The following CENPP variants were observed in gnomAD, a reference collection of about 807,000 sequenced individuals.
CENPP encodes the protein centromere protein P.
Under a neutral mutation model 35.6 loss-of-function variants are expected in CENPP, and 24 were observed. The observed-to-expected ratio is 0.67, with a 90% confidence interval of 0.49 to 0.95. The LOEUF is 0.95. Among genes scored for constraint, CENPP ranks in the 40% least tolerant of loss-of-function variants. CENPP has a pLI of 0.00. For missense variants in CENPP, 332 were observed against 345.3 expected, an observed-to-expected ratio of 0.96 and a Z score of 0.31; for synonymous variants, 120 against 125.5, an observed-to-expected ratio of 0.96 and a Z score of 0.29.
chr9:92,338,427 G>A (rs188388057), intron 3 of CENPP, among the ~76,000 whole-genome samples: 49 of 152,140 alleles, frequency 3.2e-4, no homozygotes, highest in African/African-American at 1.1e-3. Context: ...CTATAAAATC[G>A]TGTAGTGTTT....
At chr9:92,468,837 A>C (rs2131066985) in intron 5 of CENPP, among the ~76,000 whole-genome samples, 1 of 152,330 alleles carries the variant, frequency 6.6e-6, no homozygotes, top group African/African-American at 2.4e-5. Flanking sequence ...TTCTCAAAGG[A>C]AATCAAGTAG....
At chr9:92,357,853 ATT>A (rs34111227) in intron 4 of CENPP, among the ~76,000 whole-genome samples, 4,529 of 149,574 alleles carry the variant, frequency 0.03, 105 homozygotes, top group South Asian at 0.084. Flanking sequence ...TGGTTGACAG[ATT>A]TTTTTTTTTC....
intron 5 of CENPP, among the ~76,000 whole-genome samples, chr9:92,409,339 G>A (rs1053712078): frequency 1.3e-5 from 2 of 152,148 alleles, no homozygotes; most frequent in African/African-American, 2.4e-5. Context: ...GGAAACCAGG[G>A]TTTTAGGTCT....
At chr9:92,541,085 C>G (rs1358355398) in intron 5 of CENPP, among the ~76,000 whole-genome samples, 4 of 151,810 alleles carry the variant, frequency 2.6e-5, no homozygotes, top group Admixed American at 2.6e-4. Flanking sequence ...CATGGTGAAA[C>G]CCCATCTCTA....
intron 4 of CENPP, among the ~76,000 whole-genome samples, chr9:92,352,755 T>C (rs1841497619): frequency 6.6e-6 from 1 of 151,512 alleles, no homozygotes; most frequent in South Asian, 2.1e-4. Context: ...GCCTGCTCTA[T>C]ATTCACTGGC....
chr9:92,445,045 G>A (rs1844516728), intron 5 of CENPP, among the ~76,000 whole-genome samples: 1 of 152,130 alleles, frequency 6.6e-6, no homozygotes, highest in African/African-American at 2.4e-5. Flanking sequence ...CTAGGGGGAT[G>A]GGCGTCCCTG....
At chr9:92,337,458 T>C (rs1840967120) in intron 2 of CENPP, 83 bp from the exon 3 acceptor site, 2 of 788,684 alleles carry the variant, frequency 2.5e-6, no homozygotes, top group East Asian at 4.9e-5. Context: ...ACATGTATTG[T>C]AGATATTCAC....
intron 4 of CENPP, among the ~76,000 whole-genome samples, chr9:92,354,171 G>A (rs891095783): frequency 2.6e-5 from 4 of 152,206 alleles, no homozygotes; most frequent in Non-Finnish European, 4.4e-5. Context: ...CTTGGCAGAA[G>A]CATTGCATGC....
intron 5 of CENPP, chr9:92,417,366 C>T (rs1386118565): frequency 3.1e-6 from 5 of 1,614,062 alleles, no homozygotes; most frequent in Non-Finnish European, 4.2e-6. Context: ...CAGAAGCATT[C>T]ACTGACACAG....
chr9:92,508,926 T>C (rs1325485282), intron 5 of CENPP, among the ~76,000 whole-genome samples: 1 of 152,046 alleles, frequency 6.6e-6, no homozygotes, highest in Non-Finnish European at 1.5e-5. Flanking sequence ...TCAAGAGCTA[T>C]GCTAGACTAT....
At chr9:92,397,115 T>C (rs986393117) in intron 5 of CENPP, among the ~76,000 whole-genome samples, 1 of 151,834 alleles carries the variant, frequency 6.6e-6, no homozygotes, top group Non-Finnish European at 1.5e-5. Context: ...AGGTCAAGAC[T>C]GCAGTGAGCC....
intron 4 of CENPP, among the ~76,000 whole-genome samples, chr9:92,372,690 G>A (rs1842038185): frequency 2.0e-5 from 3 of 152,166 alleles, no homozygotes; most frequent in Admixed American, 1.3e-4. Flanking sequence ...TTATGAATGA[G>A]AATTTAGTTG....
chr9:92,390,563 AGTGTGTGTGT>A (rs61628295), intron 5 of CENPP, among the ~76,000 whole-genome samples: 7 of 150,448 alleles, frequency 4.7e-5, no homozygotes, highest in Admixed American at 2.0e-4. Flanking sequence ...AGAGAAATTC[AGTGTGTGTGT>A]GTGTGTGTGT....
intron 5 of CENPP, among the ~76,000 whole-genome samples, chr9:92,475,195 A>G (rs1845672448): frequency 6.6e-6 from 1 of 152,232 alleles, no homozygotes; most frequent in Admixed American, 6.5e-5. Flanking sequence ...ACAGAATTAT[A>G]ATAGCAGAAA....
chr9:92,349,777 A>C (rs1841398287), intron 4 of CENPP, among the ~76,000 whole-genome samples: 1 of 152,168 alleles, frequency 6.6e-6, no homozygotes, highest in Non-Finnish European at 1.5e-5. Context: ...ATGTATACAC[A>C]CACATACACA....
At chr9:92,574,687 C>T (rs771948200) in intron 5 of CENPP, among the ~76,000 whole-genome samples, 2 of 152,168 alleles carry the variant, frequency 1.3e-5, no homozygotes, top group Non-Finnish European at 2.9e-5. Context: ...TATCAAAATT[C>T]CAGTGATGTT....
At chr9:92,424,370 T>C (rs770198927) in intron 5 of CENPP, 4 of 152,186 alleles carry the variant, frequency 2.6e-5, no homozygotes, top group Admixed American at 1.3e-4. Flanking sequence ...TACAATCTTC[T>C]TGGAAAACAC....
At chr9:92,472,399 C>T (rs149823108) in intron 5 of CENPP, among the ~76,000 whole-genome samples, 199 of 150,642 alleles carry the variant, frequency 1.3e-3, no homozygotes, top group Admixed American at 4.6e-3. Flanking sequence ...GTGGCTCACG[C>T]CTATAATCCC....
At chr9:92,404,155 CA>C (rs1843230964) in intron 5 of CENPP, among the ~76,000 whole-genome samples, 1 of 152,090 alleles carries the variant, frequency 6.6e-6, no homozygotes, top group Non-Finnish European at 1.5e-5. Context: ...TTAGGCTCAT[CA>C]ATGGATTTTC....
Sources: allele counts gnomAD v4.1 joint callset (sites outside exome capture counted in the v4.1 genomes callset), GRCh38; gene constraint gnomAD v4.1.1; transcripts MANE v1.5; gene names NCBI Gene and HGNC (gene_info 2026-07-23, HGNC 2026-07-21).